The following NRXN3 variants were observed in gnomAD, a reference collection of about 807,000 sequenced individuals.
NRXN3 encodes neurexin 3.
NRXN3 carries 32 observed loss-of-function variants against 137.6 expected under a neutral mutation model. The observed-to-expected ratio is 0.23, with a 90% CI of 0.18 to 0.31. The LOEUF (loss-of-function observed/expected upper bound fraction) is 0.31, where lower values mean the gene tolerates loss of function less well. NRXN3 is among the 10% of genes least tolerant of loss of function. NRXN3 has a pLI of 1.00. For missense variants in NRXN3, 1,574 were observed against 2,062.5 expected, an observed-to-expected ratio of 0.76 and a Z score of 4.59; for synonymous variants, 798 against 784.5, an observed-to-expected ratio of 1.02 and a Z score of -0.29.
intron 16 of NRXN3, among the ~76,000 whole-genome samples, chr14:79,536,301 T>G (rs1601779448): frequency 1.3e-5 from 2 of 152,130 alleles, no homozygotes; most frequent in East Asian, 3.9e-4. Flanking sequence ...CATTGCACCT[T>G]GCAAAAACTT....
chr14:78,488,925 A>G lies in NRXN3; in HGVS notation c.758-156195A>G, dbSNP rs75090941. Among the ~76,000 whole-genome samples, 1,131 of 152,164 alleles carry G rather than the reference A, an allele frequency of 7.4e-3. 17 individuals are homozygous for G. Among genetic ancestry groups the G allele is most frequent in the African/African-American group, 0.025 (1,058 of 41,518 alleles). On this transcript the variant is annotated intron_variant, in intron 4 of 20. Coordinates refer to ENST00000335750, the MANE Select transcript of NRXN3 (RefSeq NM_001330195.2). ...GGAAAGGGAGAGGTAAAGAAGAGAGAGAAATTAGTGTAGGTAGCACTTACC... is the reference window on the plus strand; with the variant it reads ...GGAAAGGGAGAGGTAAAGAAGAGAGGGAAATTAGTGTAGGTAGCACTTACC...
At chr14:79,566,035 T>C (rs1441156827) in intron 16 of NRXN3, among the ~76,000 whole-genome samples, 2 of 152,108 alleles carry the variant, frequency 1.3e-5, no homozygotes, top group Non-Finnish European at 2.9e-5. Context: ...TATTCTAATC[T>C]TTTTCTGGGG....
chr14:78,335,025 A>G (rs1383775394), intron 4 of NRXN3, among the ~76,000 whole-genome samples: 1 of 152,152 alleles, frequency 6.6e-6, no homozygotes, highest in Non-Finnish European at 1.5e-5. Flanking sequence ...CCCTCACTTC[A>G]TAAATGAGGG....
At chr14:79,505,493 G>A (rs1485837635) in intron 16 of NRXN3, among the ~76,000 whole-genome samples, 2 of 152,142 alleles carry the variant, frequency 1.3e-5, no homozygotes, top group Non-Finnish European at 2.9e-5. Flanking sequence ...ACTAAAAGTA[G>A]TCCACATTAA....
intron 15 of NRXN3, among the ~76,000 whole-genome samples, chr14:79,306,637 C>T (rs190808003): frequency 1.3e-5 from 2 of 152,152 alleles, no homozygotes; most frequent in Admixed American, 1.3e-4. Flanking sequence ...TGTTCACAGC[C>T]CCTGCTGCCT....
chr14:78,332,675 T>C (rs1186093930), intron 4 of NRXN3, among the ~76,000 whole-genome samples: 1 of 152,200 alleles, frequency 6.6e-6, no homozygotes, highest in Admixed American at 6.5e-5. Flanking sequence ...TGATAAAGGC[T>C]TTAAGTGTCA....
chr14:78,405,592 G>C (rs2092424900), intron 4 of NRXN3, among the ~76,000 whole-genome samples: 1 of 141,110 alleles, frequency 7.1e-6, no homozygotes, highest in African/African-American at 2.7e-5. Flanking sequence ...ATTGGCTTTA[G>C]AGTGGATGCT....
chr14:79,000,023 C>T (rs927082896), intron 15 of NRXN3, among the ~76,000 whole-genome samples: 8 of 152,142 alleles, frequency 5.3e-5, no homozygotes, highest in Non-Finnish European at 1.0e-4. Context: ...CAAAATTCCC[C>T]TGATTTTTTT....
intron 4 of NRXN3, among the ~76,000 whole-genome samples, chr14:78,407,369 G>GT (rs1288021234): frequency 6.6e-6 from 1 of 152,088 alleles, no homozygotes; most frequent in Non-Finnish European, 1.5e-5. Flanking sequence ...CTATCAAGGT[G>GT]TTTTTGTTGT....
intron 15 of NRXN3, among the ~76,000 whole-genome samples, chr14:79,398,024 C>T (rs550504714): frequency 6.6e-6 from 1 of 152,298 alleles, no homozygotes; most frequent in Non-Finnish European, 1.5e-5. Flanking sequence ...ATAACACTTC[C>T]CTGTCTTCCT....
intron 17 of NRXN3, among the ~76,000 whole-genome samples, chr14:79,668,967 C>T (rs754095055): frequency 6.6e-6 from 1 of 152,030 alleles, no homozygotes; most frequent in Non-Finnish European, 1.5e-5. Flanking sequence ...ATTATTGAGA[C>T]TTTAAAGGAT....
intron 15 of NRXN3, among the ~76,000 whole-genome samples, chr14:79,373,828 G>A (rs1161016437): frequency 1.3e-5 from 2 of 151,934 alleles, no homozygotes; most frequent in Admixed American, 6.6e-5. Flanking sequence ...ATACATAAAT[G>A]GACTGGTCCC....
intron 10 of NRXN3, among the ~76,000 whole-genome samples, chr14:78,845,970 C>A (rs568283862): frequency 1.3e-5 from 2 of 150,992 alleles, no homozygotes; most frequent in Admixed American, 6.6e-5. Context: ...ACTTTTTACT[C>A]AGCCAACGCT....
At chr14:78,494,552 G>T (rs375415175) in intron 4 of NRXN3, among the ~76,000 whole-genome samples, 1 of 151,874 alleles carries the variant, frequency 6.6e-6, no homozygotes. Flanking sequence ...GGGTTGAAGT[G>T]GGGGAAGATG....
At chr14:79,171,851 T>C (rs979240134) in intron 15 of NRXN3, among the ~76,000 whole-genome samples, 1 of 151,868 alleles carries the variant, frequency 6.6e-6, no homozygotes, top group African/African-American at 2.4e-5. Context: ...GTAAAATAAT[T>C]CCAACTAAGG....
intron 6 of NRXN3, among the ~76,000 whole-genome samples, chr14:78,702,570 G>A (rs897081210): frequency 2.0e-5 from 3 of 151,460 alleles, no homozygotes; most frequent in East Asian, 1.9e-4. Context: ...GCAGGATCCC[G>A]AGTAGCTGGG....
chr14:78,250,546 G>A (rs2068445198), intron 2 of NRXN3, among the ~76,000 whole-genome samples: 1 of 152,204 alleles, frequency 6.6e-6, no homozygotes, highest in South Asian at 2.1e-4. Context: ...AAGAGCATGG[G>A]GCTGCTGACA....
At chr14:78,731,312 GC>G (rs1263909912) in intron 8 of NRXN3, among the ~76,000 whole-genome samples, 1 of 151,978 alleles carries the variant, frequency 6.6e-6, no homozygotes, top group Non-Finnish European at 1.5e-5. Context: ...GTGGGTTATT[GC>G]TAACATTATA....
intron 15 of NRXN3, among the ~76,000 whole-genome samples, chr14:79,289,727 CA>C (rs1240548757): frequency 6.6e-6 from 1 of 152,132 alleles, no homozygotes; most frequent in Non-Finnish European, 1.5e-5. Context: ...TAGGAAACCT[CA>C]GTGTGAAAAA....
Sources: allele counts gnomAD v4.1 joint callset (sites outside exome capture counted in the v4.1 genomes callset), GRCh38; gene constraint gnomAD v4.1.1; transcripts MANE v1.5; gene names NCBI Gene and HGNC (gene_info 2026-07-23, HGNC 2026-07-21).